The following BRD7 variants were observed in gnomAD, a reference collection of about 807,000 sequenced individuals.
BRD7 encodes bromodomain-containing protein 7.
Under a neutral mutation model 82.1 loss-of-function variants are expected in BRD7, and 15 were observed. The ratio of observed to expected loss-of-function variants is 0.18; its 90% CI spans 0.12 to 0.28. The LOEUF is 0.28. Among genes scored for constraint, BRD7 ranks in the 10% least tolerant of loss-of-function variants. BRD7 has a pLI of 1.00. For synonymous variants in BRD7, 232 were observed against 266.9 expected (o/e 0.87, Z 1.27); for missense variants, 638 against 779.9 (o/e 0.82, Z 2.17).
At chr16:50,320,054 G>C (rs199533431) in intron 15 of BRD7, 24 bp from the exon 16 acceptor site, 1,139 of 1,593,908 alleles carry the variant, frequency 7.1e-4, no homozygotes, top group Non-Finnish European at 9.4e-4. Context: ...CAAAGTTCCA[G>C]ATACTAAAGC....
Position 50,368,140 on chromosome 16 carries a change from C to T in BRD7, c.208G>A (p.Glu70Lys), listed in dbSNP as rs1191653556. Reference sequence around the variant, plus strand: ...TTTTCTTCCCCTGGAATCTGCTTCTCTCCTTTCTTTCTCTTTTTCCGCTTT... The same window carrying T: ...TTTTCTTCCCCTGGAATCTGCTTCTTTCCTTTCTTTCTCTTTTTCCGCTTT... ...DRKRKKRKKGEKQIPGEEKGR... is the reference protein window; with the variant it reads ...DRKRKKRKKGKKQIPGEEKGR... The change falls in exon 2 of 17, where the codon GAG becomes AAG. Residue 70 changes from glutamate to lysine, a missense_variant. Physicochemically the swap from Glu to Lys is moderately conservative, Grantham distance 56. Coordinates refer to ENST00000394688, the MANE Select transcript of BRD7 (RefSeq NM_013263.5). The T allele has an allele frequency of 6.2e-7, 1 of 1,614,088 alleles. No homozygotes were observed. Among genetic ancestry groups the T allele is most frequent in the Non-Finnish European group, 8.5e-7 (1 of 1,179,940 alleles).
intron 9 of BRD7, 41 bp from the exon 10 acceptor site, chr16:50,326,432 G>A (rs2037343106): frequency 7.1e-7 from 1 of 1,406,468 alleles, no homozygotes; most frequent in Non-Finnish European, 9.5e-7. Context: ...GGCCTACATG[G>A]CCATGACCCA....
chr16:50,368,245 T>C lies in BRD7; in HGVS notation c.103A>G (p.Thr35Ala), dbSNP rs1351418208. 2.5e-6 allele frequency: 4 copies of C among 1,614,076 alleles called. No individual in the cohort carries two copies. Among genetic ancestry groups the C allele is most frequent in the Non-Finnish European group, 3.4e-6 (4 of 1,180,042 alleles). The change falls in exon 2 of 17, where the codon ACC becomes GCC. Residue 35 changes from threonine (T) to alanine (A), a missense_variant. Thr to Ala is a moderately conservative substitution (Grantham distance 58, BLOSUM62 0). Around this residue, in one of 3 missense-constraint regions of BRD7, gnomAD observed 172 missense variants for 155.3 expected, o/e 1.11. Transcript: ENST00000394688. ...LVLKVGGNEV[T>A]ELSTGSSGHD... is the part of the protein sequence containing the mutation. ...CCCGAGCTGCCCGTGGAGAGTTCGG[T>C]GACTTCGTTCCCTCCTACTTTGAGG...
intron 6 of BRD7, 57 bp from the exon 7 acceptor site, chr16:50,334,952 GCATTTTTTTCCCCA>G (rs58257361): frequency 0.19 from 288,499 of 1,535,842 alleles, 29,390 homozygotes; most frequent in Middle Eastern, 0.23. Context: ...TTAAAGTAAT[GCATTTTTTTCCCCA>G]CAGGAGTTTA....
rs563704652 is a variant in BRD7 at position 50,320,489 on chromosome 16, C to T, written c.1613-98G>A. 398 of 1,529,176 alleles carry T rather than the reference C, an allele frequency of 2.6e-4. 3 individuals carry two copies. In the South Asian group the frequency reaches 4.7e-3, roughly 18 times the overall value. The allele number at this position is 1,529,176 out of a possible 1,614,324, so 94.7% of individuals were successfully genotyped here. Reference sequence around the variant, plus strand: ...TGCTAATTATTGGTTAGCCTTCTCCCTTCAAAAGAGTAATCCGCTTGAAAT... The same window carrying T: ...TGCTAATTATTGGTTAGCCTTCTCCTTTCAAAAGAGTAATCCGCTTGAAAT... On this transcript the variant is annotated intron_variant, in intron 14 of 16. Coordinates refer to ENST00000394688, the MANE Select transcript of BRD7 (RefSeq NM_013263.5).
At chr16:50,357,835 G>A (rs1371558516) in intron 2 of BRD7, among the ~76,000 whole-genome samples, 1 of 152,020 alleles carries the variant, frequency 6.6e-6, no homozygotes, top group African/African-American at 2.4e-5. Context: ...ACAAAAATCC[G>A]CTGCGGGTGG....
chr16:50,356,108 G>A (rs1316814377), intron 2 of BRD7, among the ~76,000 whole-genome samples: 2 of 152,194 alleles, frequency 1.3e-5, no homozygotes, highest in Non-Finnish European at 2.9e-5. Context: ...TTAAAAACTA[G>A]AAGGCATTTC....
chr16:50,349,619 C>T, intron 5 of BRD7: 1 of 470,980 alleles, frequency 2.1e-6, no homozygotes, highest in South Asian at 1.5e-5. Context: ...CAGTCTCAGG[C>T]AGTTCTGTAT....
chr16:50,323,832 G>T, intron 11 of BRD7, 134 bp from the exon 12 acceptor site: 1 of 620,996 alleles, frequency 1.6e-6, no homozygotes. Context: ...ACACAACATG[G>T]TATCTACATA....
At chr16:50,341,928 T>TCCCACACACA (rs780059612) in intron 5 of BRD7, among the ~76,000 whole-genome samples, 1 of 143,552 alleles carries the variant, frequency 7.0e-6, no homozygotes, top group Admixed American at 6.9e-5. Context: ...TGCACACTTT[T>TCCCACACACA]CACACACACA....
At chr16:50,355,835 T>C (rs1159468234) in intron 2 of BRD7, among the ~76,000 whole-genome samples, 1 of 152,202 alleles carries the variant, frequency 6.6e-6, no homozygotes, top group African/African-American at 2.4e-5. Context: ...AAATTTGATA[T>C]TAAGTTGATA....
At chr16:50,359,861 G>C (rs571898514) in intron 2 of BRD7, among the ~76,000 whole-genome samples, 81 of 152,266 alleles carry the variant, frequency 5.3e-4, no homozygotes, top group African/African-American at 1.6e-3. Context: ...GCTAGGTTGG[G>C]GGTGGAGGTA....
At chr16:50,337,313 T>C (rs2037848417) in intron 6 of BRD7, among the ~76,000 whole-genome samples, 1 of 141,382 alleles carries the variant, frequency 7.1e-6, no homozygotes, top group Non-Finnish European at 1.5e-5. Flanking sequence ...CAGGCTGGAG[T>C]GCAGTGGCGT....
rs1376574717 is a variant in BRD7 at position 50,350,100 on chromosome 16, T to C, written c.514A>G (p.Ile172Val). The C allele has an allele frequency of 2.1e-5, 33 of 1,605,534 alleles. No individual in the cohort carries two copies. Among genetic ancestry groups the C allele is most frequent in the Non-Finnish European group, 2.7e-5 (32 of 1,176,812 alleles). The change falls in exon 5 of 17, where the codon ATT (isoleucine) becomes GTT (valine). Residue 172 changes from isoleucine to valine, a missense_variant. Around this residue, in one of 3 missense-constraint regions of BRD7, gnomAD observed 64 missense variants for 123.8 expected, o/e 0.52. Coordinates refer to ENST00000394688, the MANE Select transcript of BRD7 (RefSeq NM_013263.5). ...GTACTAAAATCCATTGGGTGTTTAA[T>C]GATCATGGAGTAGCCAGGAGCAATA... ...DFIAPGYSMI[I>V]KHPMDFSTMK...
chr16:50,354,691 A>C, intron 3 of BRD7, 102 bp downstream of exon 3: 1 of 1,454,514 alleles, frequency 6.9e-7, no homozygotes, highest in Non-Finnish European at 9.2e-7. Flanking sequence ...TTAAAAATTC[A>C]ATCACAAAGC....
chr16:50,337,865 C>T (rs1233087348), intron 6 of BRD7, among the ~76,000 whole-genome samples: 1 of 144,606 alleles, frequency 6.9e-6, no homozygotes, highest in East Asian at 2.0e-4. Context: ...GGCTCCTCAA[C>T]AGCAAAAGAT....
At chr16:50,354,295 G>A in intron 4 of BRD7, 130 bp downstream of exon 4, 1 of 754,888 alleles carries the variant, frequency 1.3e-6, no homozygotes, top group Non-Finnish European at 2.1e-6. Flanking sequence ...GAGTACTTCT[G>A]CTGCCAGGCA....
At chr16:50,332,683 G>T (rs1030709104) in intron 8 of BRD7, among the ~76,000 whole-genome samples, 5 of 152,134 alleles carry the variant, frequency 3.3e-5, no homozygotes, top group African/African-American at 1.2e-4. Flanking sequence ...ACATGCATTT[G>T]TATGTTTACT....
intron 11 of BRD7, among the ~76,000 whole-genome samples, chr16:50,324,138 C>T (rs529469371): frequency 6.6e-6 from 1 of 152,030 alleles, no homozygotes. Flanking sequence ...GATCTTCCCC[C>T]CAAGTAATGT....
Sources: allele counts gnomAD v4.1 joint callset (sites outside exome capture counted in the v4.1 genomes callset), GRCh38; gene constraint gnomAD v4.1.1; regional missense constraint gnomAD v4.1.1; transcripts MANE v1.5; gene names NCBI Gene and HGNC (gene_info 2026-07-23, HGNC 2026-07-21).